Variants in XRCC1 observed in about 807,000 individuals in gnomAD.
The protein encoded by XRCC1 is X-ray repair cross complementing 1.
In XRCC1, 52 loss-of-function variants were observed where a neutral mutation model predicts 83.3. That is an observed-to-expected ratio of 0.62 (90% CI 0.50 to 0.79). The LOEUF is 0.79. XRCC1 is among the 30% of genes least tolerant of loss of function. The pLI is 0.00. For missense variants in XRCC1, 793 were observed against 823.5 expected (o/e 0.96, Z 0.45); for synonymous variants, 281 against 312.6 (o/e 0.90, Z 1.07).
At chr19:43,575,060 G>T in intron 1 of XRCC1, 58 bp from the exon 2 acceptor site, 1 of 1,393,794 alleles carries the variant, frequency 7.2e-7, no homozygotes, top group Admixed American at 1.7e-5. Flanking sequence ...TAGGCCTCCA[G>T]CTCTCAGATG....
intron 2 of XRCC1, 187 bp downstream of exon 2, chr19:43,574,723 A>G: frequency 1.7e-6 from 1 of 592,100 alleles, no homozygotes; most frequent in Non-Finnish European, 3.0e-6. Flanking sequence ...GTCATCCTGG[A>G]CTTAATCCTT....
At position 43,557,792 on chromosome 19, in the gene XRCC1, CAAAAAAAAAAAA is replaced by C. The variant is rs35267441; in HGVS notation, c.256-3000_256-2989del. On this transcript the variant is annotated intron_variant, in intron 3 of 16. Coordinates refer to ENST00000262887, the MANE Select transcript of XRCC1 (RefSeq NM_006297.3). ...GGGCAACAGGAGCAAAATTCCATCT[CAAAAAAAAAAAA>C]AAAAAAAAAAAAAAAGGAAGGAGGG... 2.7e-4 allele frequency among the ~76,000 whole-genome samples: 11 copies of C among 41,014 alleles called. No homozygotes were observed. In the South Asian group the frequency reaches 4.5e-3, roughly 17 times the overall value. The allele number at this position is 41,014 out of a possible 152,430, so 26.9% of individuals were successfully genotyped here. A position where few individuals can be genotyped will look rare whatever the true frequency, so the allele number is the denominator to read the frequency against.
intron 10 of XRCC1, among the ~76,000 whole-genome samples, chr19:43,548,617 C>T (rs1972542436): frequency 6.6e-6 from 1 of 152,110 alleles, no homozygotes; most frequent in Admixed American, 6.5e-5. Context: ...TCTCAAGTAC[C>T]CAGGGACACA....
At chr19:43,554,951 T>G in intron 3 of XRCC1, 147 bp from the exon 4 acceptor site, 1 of 824,710 alleles carries the variant, frequency 1.2e-6, no homozygotes. Flanking sequence ...TCCAGACCCT[T>G]TGTTTCTAGG....
At chr19:43,568,747 C>G (rs1380331301) in intron 2 of XRCC1, among the ~76,000 whole-genome samples, 1 of 148,684 alleles carries the variant, frequency 6.7e-6, no homozygotes, top group East Asian at 1.9e-4. Flanking sequence ...AATGAGGGAG[C>G]AGGAGTTGGG....
At position 43,552,273 on chromosome 19, in the gene XRCC1, G is replaced by C; in HGVS notation, c.826C>G (p.Pro276Ala). The change falls in exon 9 of 17, where the codon CCA becomes GCA. Residue 276 changes from proline to alanine, a missense_variant and splice_region_variant. Coordinates refer to ENST00000262887, the MANE Select transcript of XRCC1 (RefSeq NM_006297.3). ...SPSVPKRPKL[P>A]APTRTPATAP... ...GTGGCTGGGGTACGAGTTGGAGCTG[G>C]CACTGGAGAAGACAAAGAGTAGATT... 6.3e-7 allele frequency: 1 copy of C among 1,595,288 alleles called. No homozygotes were observed. The highest frequency in any genetic ancestry group is 8.5e-7 in the Non-Finnish European group (1 of 1,171,370).
intron 3 of XRCC1, among the ~76,000 whole-genome samples, chr19:43,557,792 C>CGAAAAAAA (rs1972653927): frequency 2.4e-5 from 1 of 41,002 alleles, no homozygotes; most frequent in Non-Finnish European, 4.6e-5. Context: ...AATTCCATCT[C>CGAAAAAAA]AAAAAAAAAA....
intron 2 of XRCC1, 185 bp downstream of exon 2, chr19:43,574,725 T>A (rs1397254196): frequency 6.7e-6 from 4 of 593,736 alleles, no homozygotes; most frequent in African/African-American, 1.9e-5. Context: ...CATCCTGGAC[T>A]TAATCCTTGG....
At chr19:43,544,065 C>T in intron 15 of XRCC1, 79 bp downstream of exon 15, 1 of 1,353,668 alleles carries the variant, frequency 7.4e-7, no homozygotes, top group East Asian at 2.5e-5. Context: ...CTTTCCCACA[C>T]CCCCACCCCT....
chr19:43,566,884 A>AG (rs2146068258), intron 2 of XRCC1, among the ~76,000 whole-genome samples: 1 of 151,834 alleles, frequency 6.6e-6, no homozygotes, highest in African/African-American at 2.4e-5. Context: ...ATCTCAAAAA[A>AG]AAAAAAAAAA....
In XRCC1 at chr19:43,544,254, TAAGGTAA is replaced by T; in HGVS notation, c.1622-27_1622-21del. 6.3e-7 allele frequency: 1 copy of T among 1,593,002 alleles called. No homozygotes were observed. Among genetic ancestry groups the T allele is most frequent in the Non-Finnish European group, 8.6e-7 (1 of 1,168,570 alleles). The stretch of plus-strand genomic sequence containing the variant: ...AGAAATCTGCAGGAGAGAAGGGGGC[TAAGGTAA>T]GCATGAGGCCCCAGGAGTTCCCAGG... On this transcript the variant is annotated intron_variant, in intron 14 of 16. Transcript: ENST00000262887.
Position 43,572,307 on chromosome 19 carries a change from T to C in XRCC1, c.144+2603A>G, listed in dbSNP as rs995955459. ...CCCTCCCTCTACACAAACACCTACA[T>C]GTTGACAGAGCACTTGTGCAGACAT... On this transcript the variant is annotated intron_variant, in intron 2 of 16. Transcript: ENST00000262887. Among the ~76,000 whole-genome samples the C allele has an allele frequency of 3.3e-5, 5 of 152,348 alleles. No individual in the cohort carries two copies. In the South Asian group the frequency reaches 8.3e-4, roughly 25 times the overall value.
At chr19:43,552,303 T>C (rs373953000) in intron 8 of XRCC1, 28 bp from the exon 9 acceptor site, 7 of 1,523,152 alleles carry the variant, frequency 4.6e-6, no homozygotes, top group Non-Finnish European at 6.2e-6. Context: ...TAGATTAGGT[T>C]AGCACCACTG....
chr19:43,548,861 G>A (rs1223411116), intron 10 of XRCC1, among the ~76,000 whole-genome samples: 1 of 150,298 alleles, frequency 6.7e-6, no homozygotes, highest in African/African-American at 2.4e-5. Flanking sequence ...CTGAGTCACT[G>A]AATCCTGGGG....
intron 10 of XRCC1, among the ~76,000 whole-genome samples, chr19:43,550,556 A>C (rs1972564709): frequency 6.6e-6 from 1 of 152,052 alleles, no homozygotes; most frequent in Non-Finnish European, 1.5e-5. Context: ...TTCTGAACAC[A>C]CTCAGGCCAT....
Position 43,544,130 on chromosome 19 carries a change from C to T in XRCC1, c.1712+14G>A, listed in dbSNP as rs1344657990. 4 of 1,597,296 alleles carry T rather than the reference C, an allele frequency of 2.5e-6. No homozygotes were observed. The highest frequency in any genetic ancestry group is 1.7e-5 in the Admixed American group (1 of 57,338). On this transcript the variant is annotated intron_variant, in intron 15 of 16. Coordinates refer to ENST00000262887, the MANE Select transcript of XRCC1 (RefSeq NM_006297.3). The stretch of plus-strand genomic sequence containing the variant: ...TCCATCACCCCTTCCCCACCCCAGT[C>T]CCTGGAGACTCACCCATTGAAGGCT...
intron 2 of XRCC1, chr19:43,574,638 A>T (rs1972836359): frequency 2.3e-6 from 1 of 434,050 alleles, no homozygotes; most frequent in Non-Finnish European, 4.3e-6. Flanking sequence ...GCAATGATTC[A>T]TTTTGTTCCA....
chr19:43,556,473 T>A (rs1473689739), intron 3 of XRCC1, among the ~76,000 whole-genome samples: 3 of 152,126 alleles, frequency 2.0e-5, no homozygotes, highest in Non-Finnish European at 1.5e-5. Flanking sequence ...CTCAAGGAAT[T>A]GAGAGTAGCA....
At chr19:43,554,829 T>C in intron 3 of XRCC1, 25 bp from the exon 4 acceptor site, 2 of 1,600,826 alleles carry the variant, frequency 1.2e-6, no homozygotes, top group South Asian at 2.2e-5. Flanking sequence ...CCACAGTGCA[T>C]GAGAACCAGG....
Sources: gnomAD v4.1 joint callset for allele counts (sites outside exome capture counted in the v4.1 genomes callset) on GRCh38, gnomAD v4.1.1 for gene constraint, MANE v1.5 for transcripts, NCBI Gene and HGNC (gene_info 2026-07-23, HGNC 2026-07-21) for gene names.